Variants in PCDHA4 observed in about 807,000 individuals in gnomAD.
PCDHA4 encodes the protein protocadherin alpha 4, also known as protocadherin alpha-4.
Under a neutral mutation model 61.4 loss-of-function variants are expected in PCDHA4, and 49 were observed. The observed-to-expected ratio is 0.80, with a 90% CI of 0.63 to 1.01. The LOEUF (loss-of-function observed/expected upper bound fraction) is 1.01. Ranked by LOEUF, PCDHA4 falls within the 50% of genes least tolerant of loss-of-function variation. The pLI, the probability that PCDHA4 is intolerant of heterozygous loss-of-function variation, is 0.00. For missense variants in PCDHA4, 1,254 were observed against 1,235.8 expected, an observed-to-expected ratio of 1.01 and a Z score of -0.22; for synonymous variants, 590 against 550.3, an observed-to-expected ratio of 1.07 and a Z score of -1.01.
Position 140,886,556 on chromosome 5 carries a change from G to A in PCDHA4, c.2385+76984G>A, listed in dbSNP as rs368447778. On this transcript the variant is annotated intron_variant, in intron 1 of 3. Coordinates refer to ENST00000530339, the MANE Select transcript of PCDHA4 (RefSeq NM_018907.4). ...TAGAAAGGTCTTCCCAGCTGGGCACGGTGGCTCACGCCTGTAATCCCAGCA... is the reference window on the plus strand; with the variant it reads ...TAGAAAGGTCTTCCCAGCTGGGCACAGTGGCTCACGCCTGTAATCCCAGCA... Among the ~76,000 whole-genome samples, 30 of 151,832 alleles carry A rather than the reference G, an allele frequency of 2.0e-4. No individual in the cohort carries two copies. The East Asian group carries it at 5.5e-3, about 28-fold the overall frequency.
intron 1 of PCDHA4, among the ~76,000 whole-genome samples, chr5:140,961,280 CT>C (rs2153727915): frequency 6.6e-6 from 1 of 152,104 alleles, no homozygotes; most frequent in Admixed American, 6.5e-5. Flanking sequence ...TACCATGGCT[CT>C]GTTTCTTGAG....
chr5:140,928,501 G>A, intron 1 of PCDHA4: 1 of 1,614,184 alleles, frequency 6.2e-7, no homozygotes. Flanking sequence ...TCCCAGAAGT[G>A]CAACAGTGAC....
intron 1 of PCDHA4, chr5:140,855,925 C>A: frequency 1.6e-6 from 2 of 1,240,618 alleles, no homozygotes; most frequent in African/African-American, 1.5e-5. Flanking sequence ...TAGGAAGTAG[C>A]GTCATTCTGA....
At position 140,844,592 on chromosome 5, in the gene PCDHA4, A is replaced by G. The variant is rs2150372335; in HGVS notation, c.2385+35020A>G. 4.7e-5 allele frequency among the ~76,000 whole-genome samples: 7 copies of G among 149,514 alleles called. 1 individual carries two copies. Among genetic ancestry groups the G allele is most frequent in the Admixed American group, 6.7e-5 (1 of 14,904 alleles). On this transcript the variant is annotated intron_variant, in intron 1 of 3. Coordinates refer to ENST00000530339, the MANE Select transcript of PCDHA4 (RefSeq NM_018907.4). ...AATATTCCACATTAAAGTGATATTTAATATATGACTTAGAAAAATGTTTTC... is the reference window on the plus strand; with the variant it reads ...AATATTCCACATTAAAGTGATATTTGATATATGACTTAGAAAAATGTTTTC...
intron 1 of PCDHA4, chr5:140,968,425 C>T (rs1195446919): frequency 6.2e-7 from 1 of 1,613,832 alleles, no homozygotes; most frequent in Non-Finnish European, 8.5e-7. Flanking sequence ...AGGCTCAGGA[C>T]AAGGGGAGCC....
At chr5:140,815,396 T>C (rs1765716097) in intron 1 of PCDHA4, 1 of 152,150 alleles carries the variant, frequency 6.6e-6, no homozygotes, top group Admixed American at 6.5e-5. Flanking sequence ...GCTTACATTT[T>C]AAAACTCTTA....
At chr5:140,967,881 G>A (rs2096193873) in intron 1 of PCDHA4, 2 of 1,614,034 alleles carry the variant, frequency 1.2e-6, no homozygotes, top group Non-Finnish European at 1.7e-6. Context: ...GACCTGTATA[G>A]CCCAGTGCCT....
At chr5:140,924,767 C>T (rs782265529) in intron 1 of PCDHA4, among the ~76,000 whole-genome samples, 3 of 151,618 alleles carry the variant, frequency 2.0e-5, no homozygotes, top group South Asian at 2.1e-4. Flanking sequence ...TGGTGGTGCG[C>T]GCTTGTAGTC....
At position 140,848,676 on chromosome 5, in the gene PCDHA4, C is replaced by A. The variant is rs2150416820; in HGVS notation, c.2385+39104C>A. 8.2e-6 allele frequency: 13 copies of A among 1,592,292 alleles called. 1 individual carries two copies. The African/African-American group carries it at 1.1e-4, about 13-fold the overall frequency. ...GGGGCTGGAGCTGGCGGAGCTGGTG[C>A]CGCGCCTGTTCCAGTTGGATTCCAA... On this transcript the variant is annotated intron_variant, in intron 1 of 3. Transcript: ENST00000530339.
chr5:140,849,715 T>A (rs2150446343), intron 1 of PCDHA4: 2 of 1,598,584 alleles, frequency 1.3e-6, no homozygotes. Context: ...TACTACTCGT[T>A]GGTGCTGGAC....
At chr5:140,877,376 G>C in intron 1 of PCDHA4, 1 of 1,614,014 alleles carries the variant, frequency 6.2e-7, no homozygotes, top group South Asian at 1.1e-5. Flanking sequence ...AGCACGACAC[G>C]CATCCTGGAT....
intron 1 of PCDHA4, among the ~76,000 whole-genome samples, chr5:140,963,581 G>A (rs2095775682): frequency 6.6e-6 from 1 of 152,210 alleles, no homozygotes; most frequent in Non-Finnish European, 1.5e-5. Flanking sequence ...TTCTCAAAAT[G>A]TAGGATATAG....
chr5:140,962,787 C>T (rs2095707732), intron 1 of PCDHA4, among the ~76,000 whole-genome samples: 1 of 152,224 alleles, frequency 6.6e-6, no homozygotes, highest in Non-Finnish European at 1.5e-5. Context: ...TTTTTAAAAA[C>T]TACTTTGGAC....
chr5:140,952,977 C>T (rs148504111), intron 1 of PCDHA4, among the ~76,000 whole-genome samples: 2 of 152,182 alleles, frequency 1.3e-5, no homozygotes, highest in East Asian at 3.9e-4. Context: ...TTTTAAACAA[C>T]AAGATCTCAT....
intron 1 of PCDHA4, chr5:140,830,157 CA>C (rs2150182159): frequency 1.2e-6 from 2 of 1,613,406 alleles, no homozygotes; most frequent in South Asian, 2.2e-5. Context: ...GCCGCGGGCC[CA>C]GAGGCGGCGC....
At chr5:140,917,324 C>CGGG (rs1299895515) in intron 1 of PCDHA4, among the ~76,000 whole-genome samples, 10 of 76,182 alleles carry the variant, frequency 1.3e-4, no homozygotes, top group South Asian at 4.5e-4. Flanking sequence ...GTTCATGTGG[C>CGGG]GGGGGAGGGG....
At chr5:140,883,027 G>A in intron 1 of PCDHA4, 1 of 1,614,126 alleles carries the variant, frequency 6.2e-7, no homozygotes, top group Non-Finnish European at 8.5e-7. Context: ...CGGTGTTAGA[G>A]AACGCCTTCA....
chr5:140,929,022 C>T (rs17844367), intron 1 of PCDHA4: 4 of 1,614,172 alleles, frequency 2.5e-6, no homozygotes, highest in Admixed American at 3.3e-5. Context: ...TGCACCAGAG[C>T]CCAGGCTGTT....
At chr5:140,830,361 G>A (rs147693617) in intron 1 of PCDHA4, 1 of 1,614,126 alleles carries the variant, frequency 6.2e-7, no homozygotes, top group East Asian at 2.2e-5. Context: ...AGGCGGCAGA[G>A]GGTGTGCTCC....
Sources: allele counts gnomAD v4.1 joint callset (sites outside exome capture counted in the v4.1 genomes callset), GRCh38; gene constraint gnomAD v4.1.1; transcripts MANE v1.5; gene names NCBI Gene and HGNC (gene_info 2026-07-23, HGNC 2026-07-21).